The following IQCM variants were observed in gnomAD, a reference collection of about 807,000 sequenced individuals.
IQCM encodes IQ domain-containing protein M.
IQCM carries 45 observed loss-of-function variants against 57.6 expected under a neutral mutation model. That is an observed-to-expected ratio of 0.78 (90% CI 0.62 to 1.00). The LOEUF (loss-of-function observed/expected upper bound fraction) is 1.00. Among genes scored for constraint, IQCM ranks in the 50% least tolerant of loss-of-function variants. The pLI is 0.00. For synonymous variants in IQCM, 148 were observed against 158.9 expected (o/e 0.93, Z 0.51); for missense variants, 468 against 511.6 (o/e 0.91, Z 0.82).
chr4:149,555,942 T>C (rs1749539498), intron 10 of IQCM, among the ~76,000 whole-genome samples: 1 of 152,182 alleles, frequency 6.6e-6, no homozygotes, highest in South Asian at 2.1e-4. Context: ...ACCTAGGGCT[T>C]TTCATGGTTA....
At chr4:149,593,318 C>A (rs1371937542) in intron 8 of IQCM, among the ~76,000 whole-genome samples, 12 of 152,148 alleles carry the variant, frequency 7.9e-5, no homozygotes, top group Non-Finnish European at 1.5e-4. Context: ...TATCCTGAGA[C>A]TTTGCTGAAG....
At chr4:149,461,250 A>C (rs924170554) in intron 12 of IQCM, among the ~76,000 whole-genome samples, 1 of 152,060 alleles carries the variant, frequency 6.6e-6, no homozygotes, top group Admixed American at 6.6e-5. Context: ...AAAAAAAAAA[A>C]AAAAAATTCA....
At chr4:149,443,054 A>C (rs1736133028) in intron 12 of IQCM, among the ~76,000 whole-genome samples, 1 of 151,864 alleles carries the variant, frequency 6.6e-6, no homozygotes, top group African/African-American at 2.4e-5. Flanking sequence ...CCAAGTCCTA[A>C]GTCCACAAAG....
chr4:149,660,378 T>C (rs1218672471), intron 7 of IQCM, among the ~76,000 whole-genome samples: 1 of 152,142 alleles, frequency 6.6e-6, no homozygotes, highest in East Asian at 1.9e-4. Context: ...TTTTACACTG[T>C]TGGTGGGACT....
At chr4:149,540,819 A>G (rs1231136085) in intron 12 of IQCM, among the ~76,000 whole-genome samples, 1 of 152,142 alleles carries the variant, frequency 6.6e-6, no homozygotes, top group African/African-American at 2.4e-5. Context: ...TCTCAAACAT[A>G]AAGTTGCCAG....
chr4:149,413,365 G>A (rs541409186), intron 13 of IQCM, among the ~76,000 whole-genome samples: 13 of 152,252 alleles, frequency 8.5e-5, no homozygotes, highest in African/African-American at 2.9e-4. Flanking sequence ...AGCCCAGAGC[G>A]ACTGTCCAGG....
intron 10 of IQCM, among the ~76,000 whole-genome samples, chr4:149,560,294 C>T (rs1749997155): frequency 6.6e-6 from 1 of 152,178 alleles, no homozygotes; most frequent in African/African-American, 2.4e-5. Context: ...TTCTCCAGGG[C>T]TGTTCCAAAT....
intron 5 of IQCM, chr4:149,711,099 C>G (rs954705229): frequency 2.0e-5 from 3 of 152,114 alleles, no homozygotes; most frequent in Admixed American, 1.3e-4. Context: ...TAAATGCCAC[C>G]TTTCTTCTGA....
intron 8 of IQCM, among the ~76,000 whole-genome samples, chr4:149,598,744 A>ATTGTT (rs1754002690): frequency 6.6e-6 from 1 of 152,190 alleles, no homozygotes; most frequent in Non-Finnish European, 1.5e-5. Flanking sequence ...GACAGTATTA[A>ATTGTT]TTGTTTCCAA....
chr4:149,504,787 C>T (rs189093660), intron 12 of IQCM, among the ~76,000 whole-genome samples: 2 of 152,202 alleles, frequency 1.3e-5, no homozygotes, highest in East Asian at 3.9e-4. Context: ...ATGGCAGGTG[C>T]CTGTAATCTC....
intron 7 of IQCM, among the ~76,000 whole-genome samples, chr4:149,671,734 T>C (rs1761306106): frequency 6.6e-6 from 1 of 152,212 alleles, no homozygotes; most frequent in Admixed American, 6.5e-5. Context: ...TTTCGTTATG[T>C]ACCCAGTAGT....
rs565058276 is a variant in IQCM, at chr4:149,672,007, C to T, written c.565+10111G>A. 2.6e-5 allele frequency among the ~76,000 whole-genome samples: 4 copies of T among 152,258 alleles called. No individual in the cohort carries two copies. In the South Asian group the frequency reaches 8.3e-4, roughly 32 times the overall value. On this transcript the variant is annotated intron_variant, in intron 7 of 13. Coordinates refer to ENST00000636793, the MANE Select transcript of IQCM (RefSeq NM_001363507.2). ...CCTCCGCTGGTGATACCCAGGCAAA[C>T]AGGGTCTAGAGTGGACCTCCAGCAA...
At chr4:149,584,852 A>C (rs1215903658) in intron 9 of IQCM, among the ~76,000 whole-genome samples, 1 of 151,798 alleles carries the variant, frequency 6.6e-6, no homozygotes, top group Admixed American at 6.6e-5. Context: ...CTATTTATCC[A>C]TATAAGGCAA....
intron 2 of IQCM, among the ~76,000 whole-genome samples, chr4:149,757,232 C>T (rs1769058151): frequency 1.3e-5 from 2 of 149,974 alleles, no homozygotes; most frequent in African/African-American, 2.5e-5. Flanking sequence ...CACTCCAGCC[C>T]GGGCAACAAA....
chr4:149,782,743 T>C (rs1430326247), intron 2 of IQCM, among the ~76,000 whole-genome samples: 11 of 151,980 alleles, frequency 7.2e-5, no homozygotes, highest in Admixed American at 7.2e-4. Context: ...ACTGATACCT[T>C]TAAAAAAGCA....
chr4:149,669,578 C>T (rs562197849), intron 7 of IQCM, among the ~76,000 whole-genome samples: 8 of 152,156 alleles, frequency 5.3e-5, no homozygotes, highest in South Asian at 2.1e-4. Context: ...TGGTAATGCC[C>T]AGGTTTTCTT....
In IQCM at chr4:149,733,270, C is replaced by T; in HGVS notation, c.359G>A (p.Cys120Tyr). Reference sequence around the variant, plus strand: ...TTTTGTAATTAGATCTATGGGCCTGCATCTTTCTCTTCTACTAAAAATGTG... The same window carrying T: ...TTTTGTAATTAGATCTATGGGCCTGTATCTTTCTCTTCTACTAAAAATGTG... ...EPHIFSRRERCRPIDLITKGQ... is the reference protein window; with the variant it reads ...EPHIFSRRERYRPIDLITKGQ... Residue 120 changes from cysteine to tyrosine, a missense_variant, in exon 5 of 14, where the codon TGC becomes TAC. Cys to Tyr is a radical substitution (Grantham distance 194). Transcript: ENST00000636793. 2.4e-6 allele frequency: 3 copies of T among 1,231,770 alleles called. No homozygotes were observed. The African/African-American group carries it at 4.7e-5, about 19-fold the overall frequency. 76.3% of individuals were successfully genotyped at this position (1,231,770 alleles called of 1,614,324 possible). A position where few individuals can be genotyped will look rare whatever the true frequency, so the allele number is the denominator to read the frequency against.
intron 13 of IQCM, among the ~76,000 whole-genome samples, chr4:149,402,023 G>A (rs1471256845): frequency 6.6e-6 from 1 of 151,772 alleles, no homozygotes; most frequent in Non-Finnish European, 1.5e-5. Context: ...AATTTTTCAT[G>A]ACAACTCTAT....
intron 12 of IQCM, among the ~76,000 whole-genome samples, chr4:149,512,488 A>T (rs891491883): frequency 4.6e-5 from 7 of 152,192 alleles, no homozygotes; most frequent in African/African-American, 1.7e-4. Context: ...ACAAATATAA[A>T]TTTTAATGGA....
Sources: allele counts gnomAD v4.1 joint callset (sites outside exome capture counted in the v4.1 genomes callset), GRCh38; gene constraint gnomAD v4.1.1; transcripts MANE v1.5; gene names NCBI Gene and HGNC (gene_info 2026-07-23, HGNC 2026-07-21).